Variants in ARHGAP26 observed in about 807,000 individuals in gnomAD.
The protein encoded by ARHGAP26 is Rho GTPase activating protein 26, also known as rho GTPase-activating protein 26.
In ARHGAP26, 38 loss-of-function variants were observed where a neutral mutation model predicts 104.8. That is an observed-to-expected ratio of 0.36 (90% CI 0.28 to 0.48). ARHGAP26 has a LOEUF of 0.48. Ranked by LOEUF, ARHGAP26 falls within the 20% of genes least tolerant of loss-of-function variation. ARHGAP26 has a pLI of 0.99. For synonymous variants in ARHGAP26, 341 were observed against 340.0 expected (o/e 1.00, Z -0.03); for missense variants, 704 against 947.9 (o/e 0.74, Z 3.38).
chr5:142,948,032 T>G (rs2152572146), intron 11 of ARHGAP26, among the ~76,000 whole-genome samples: 1 of 152,170 alleles, frequency 6.6e-6, no homozygotes, highest in African/African-American at 2.4e-5. Flanking sequence ...CCTTGTGTCT[T>G]AAACAAAACA....
intron 1 of ARHGAP26, among the ~76,000 whole-genome samples, chr5:142,864,592 G>C (rs2152320677): frequency 6.6e-6 from 1 of 152,252 alleles, no homozygotes; most frequent in East Asian, 1.9e-4. Context: ...ACTCAATGAG[G>C]CAAAAATTGC....
intron 1 of ARHGAP26, among the ~76,000 whole-genome samples, chr5:142,836,258 T>G (rs756107636): frequency 1.4e-4 from 22 of 152,258 alleles, no homozygotes; most frequent in Non-Finnish European, 3.1e-4. Flanking sequence ...TCACTTAATC[T>G]GTGGTTCATT....
chr5:142,981,294 A>G (rs569511922), intron 11 of ARHGAP26, among the ~76,000 whole-genome samples: 23 of 152,348 alleles, frequency 1.5e-4, no homozygotes, highest in Admixed American at 1.4e-3. Context: ...TGGGGATAAT[A>G]ACAGTGTCTA....
At chr5:142,886,112 G>A (rs916575533) in intron 5 of ARHGAP26, among the ~76,000 whole-genome samples, 14 of 152,158 alleles carry the variant, frequency 9.2e-5, no homozygotes, top group African/African-American at 3.4e-4. Context: ...TGGAGATAGG[G>A]AGTTTCCTAG....
chr5:142,881,122 C>T (rs563770472), intron 4 of ARHGAP26, among the ~76,000 whole-genome samples: 26 of 152,348 alleles, frequency 1.7e-4, no homozygotes, highest in Middle Eastern at 3.4e-3. Context: ...AGGCCCTGCC[C>T]GCAGGGCTCC....
intron 20 of ARHGAP26, chr5:143,202,468 A>G (rs1807909730): frequency 6.7e-6 from 1 of 148,658 alleles, no homozygotes; most frequent in South Asian, 2.1e-4. Context: ...AAGAATCAGT[A>G]TCATGAAAAT....
At chr5:142,856,308 AG>A (rs1247318621) in intron 1 of ARHGAP26, among the ~76,000 whole-genome samples, 1 of 152,164 alleles carries the variant, frequency 6.6e-6, no homozygotes, top group Non-Finnish European at 1.5e-5. Flanking sequence ...TGTGTTGGTC[AG>A]GGTGGGAGAG....
Position 142,907,746 on chromosome 5 carries a change from A to G in ARHGAP26, c.875A>G (p.Gln292Arg). 1.2e-6 allele frequency: 2 copies of G among 1,612,556 alleles called. No homozygotes were observed. The highest frequency in any genetic ancestry group is 1.7e-6 in the Non-Finnish European group (2 of 1,178,990). ...TGGGTGAAGCACTACTGTACATATC[A>G]ACGGGATTCCAAACAAATCACCATG... ...TSWVKHYCTY[Q>R]RDSKQITMVP... Residue 292 changes from glutamine to arginine, a missense_variant, in exon 9 of 23, where the codon CAA becomes CGA. By Grantham distance (43) the Gln-to-Arg change is conservative. Coordinates refer to ENST00000645722, the MANE Select transcript of ARHGAP26 (RefSeq NM_001135608.3).
intron 18 of ARHGAP26, among the ~76,000 whole-genome samples, chr5:143,126,218 A>G (rs1354535116): frequency 2.0e-5 from 3 of 152,216 alleles, no homozygotes; most frequent in Non-Finnish European, 2.9e-5. Context: ...GAGAAAGAGT[A>G]GAGATAGGAG....
intron 20 of ARHGAP26, among the ~76,000 whole-genome samples, chr5:143,160,312 G>C (rs1197567885): frequency 6.6e-6 from 1 of 151,976 alleles, no homozygotes; most frequent in Non-Finnish European, 1.5e-5. Flanking sequence ...ACCTGCCTCA[G>C]CCTCCCAAAG....
At chr5:142,916,901 G>T (rs1305126421) in intron 10 of ARHGAP26, among the ~76,000 whole-genome samples, 1 of 152,112 alleles carries the variant, frequency 6.6e-6, no homozygotes, top group Non-Finnish European at 1.5e-5. Context: ...AGGGGGGTAG[G>T]TCCTCCATTA....
chr5:143,054,171 A>T (rs1785451901), intron 14 of ARHGAP26, among the ~76,000 whole-genome samples: 1 of 152,228 alleles, frequency 6.6e-6, no homozygotes, highest in South Asian at 2.1e-4. Flanking sequence ...ACTTTGATAC[A>T]TATTACCAAA....
intron 12 of ARHGAP26, among the ~76,000 whole-genome samples, chr5:143,025,330 C>T (rs954024625): frequency 1.3e-5 from 2 of 152,178 alleles, no homozygotes; most frequent in African/African-American, 2.4e-5. Flanking sequence ...CCCTGCCCTT[C>T]GCTGCCTCAG....
intron 11 of ARHGAP26, among the ~76,000 whole-genome samples, chr5:142,967,031 CAT>C (rs1468336102): frequency 5.3e-5 from 8 of 152,262 alleles, no homozygotes; most frequent in African/African-American, 1.7e-4. Flanking sequence ...TGATACCACA[CAT>C]AGACACACAC....
chr5:142,866,406 C>T (rs1218711148), intron 1 of ARHGAP26, among the ~76,000 whole-genome samples: 1 of 152,074 alleles, frequency 6.6e-6, no homozygotes, highest in Non-Finnish European at 1.5e-5. Context: ...TTCCCATCTG[C>T]AAAATGGAGG....
intron 17 of ARHGAP26, among the ~76,000 whole-genome samples, chr5:143,067,318 C>T (rs931990714): frequency 2.0e-5 from 3 of 152,156 alleles, no homozygotes; most frequent in South Asian, 2.1e-4. Flanking sequence ...ACTGTGAAAA[C>T]GGCCCTCTTG....
In ARHGAP26 at chr5:142,986,984, C is replaced by T. The variant is rs146006794; in HGVS notation, c.1108-27096C>T. Among the ~76,000 whole-genome samples, 1,056 of 152,182 alleles carry T rather than the reference C, an allele frequency of 6.9e-3. 15 individuals are homozygous for T. The highest frequency in any genetic ancestry group is 0.022 in the African/African-American group (919 of 41,528). ...TTGGCTTAGGATTGTTTTGGCAATG[C>T]GGCTCTTTTTTGGTTCCATATGAAC... On this transcript the variant is annotated intron_variant, in intron 11 of 22. Transcript: ENST00000645722.
At chr5:143,153,644 G>T (rs1283203032) in intron 20 of ARHGAP26, among the ~76,000 whole-genome samples, 2 of 152,188 alleles carry the variant, frequency 1.3e-5, no homozygotes, top group African/African-American at 4.8e-5. Context: ...TTGAAAGAAA[G>T]CTAGGAGGGC....
chr5:143,225,085 T>C lies in ARHGAP26; in HGVS notation c.*2639T>C, dbSNP rs1470787249. 1 of 224,808 alleles carries C rather than the reference T, an allele frequency of 4.4e-6. No individual in the cohort carries two copies. Among genetic ancestry groups the C allele is most frequent in the African/African-American group, 2.2e-5 (1 of 44,844 alleles). 13.9% of individuals were successfully genotyped at this position (224,808 alleles called of 1,614,324 possible). A position where few individuals can be genotyped will look rare whatever the true frequency, so the allele number is the denominator to read the frequency against. On this transcript the variant is annotated 3_prime_UTR_variant, in exon 23 of 23. Coordinates refer to ENST00000645722, the MANE Select transcript of ARHGAP26 (RefSeq NM_001135608.3). The stretch of plus-strand genomic sequence containing the variant: ...TGTGAACCTGAGGACAAGAAGACCT[T>C]GGGAAATGGAGGCCTCAGGGGATGT...
Sources: gnomAD v4.1 joint callset for allele counts (sites outside exome capture counted in the v4.1 genomes callset) on GRCh38, gnomAD v4.1.1 for gene constraint, MANE v1.5 for transcripts, NCBI Gene and HGNC (gene_info 2026-07-23, HGNC 2026-07-21) for gene names.